Variants in COL21A1 observed in about 807,000 individuals in gnomAD.
The protein encoded by COL21A1 is collagen type XXI alpha 1 chain.
COL21A1 carries 149 observed loss-of-function variants against 137.9 expected under a neutral mutation model. That is an observed-to-expected ratio of 1.08 (90% CI 0.95 to 1.24). The LOEUF (loss-of-function observed/expected upper bound fraction) is 1.24, where lower values mean the gene tolerates loss of function less well. Ranked by LOEUF, COL21A1 falls within the 50% of genes most tolerant of loss-of-function variation. The pLI is 0.00. For missense variants in COL21A1, 1,167 were observed against 1,158.4 expected, an observed-to-expected ratio of 1.01 and a Z score of -0.11; for synonymous variants, 456 against 391.5, an observed-to-expected ratio of 1.16 and a Z score of -1.95.
At chr6:56,331,218 T>C (rs1199168323) in intron 1 of COL21A1, among the ~76,000 whole-genome samples, 1 of 151,994 alleles carries the variant, frequency 6.6e-6, no homozygotes, top group South Asian at 2.1e-4. Context: ...GGATGCATAG[T>C]TTGTCAATAT....
At chr6:56,260,235 C>T (rs1763218661) in intron 1 of COL21A1, among the ~76,000 whole-genome samples, 1 of 152,058 alleles carries the variant, frequency 6.6e-6, no homozygotes, top group African/African-American at 2.4e-5. Context: ...ACAAGAAAGG[C>T]TTGGATAAAA....
chr6:56,267,886 C>T (rs1014299828), intron 1 of COL21A1, among the ~76,000 whole-genome samples: 1 of 151,898 alleles, frequency 6.6e-6, no homozygotes. Context: ...CTGAAAGAGA[C>T]CAAAATATAC....
chr6:56,370,395 A>G (rs1173847617), intron 1 of COL21A1, among the ~76,000 whole-genome samples: 1 of 152,232 alleles, frequency 6.6e-6, no homozygotes, highest in Non-Finnish European at 1.5e-5. Context: ...CAAATATATG[A>G]AAAGCTAAGC....
intron 1 of COL21A1, among the ~76,000 whole-genome samples, chr6:56,265,684 C>T (rs1763376039): frequency 6.6e-6 from 1 of 152,206 alleles, no homozygotes; most frequent in South Asian, 2.1e-4. Context: ...ATAGACCTGC[C>T]TCCACCTACA....
chr6:56,352,388 G>C (rs1765727875), intron 1 of COL21A1, among the ~76,000 whole-genome samples: 1 of 152,016 alleles, frequency 6.6e-6, no homozygotes, highest in Non-Finnish European at 1.5e-5. Flanking sequence ...AGAACACCCA[G>C]AAAGACTCAT....
intron 16 of COL21A1, among the ~76,000 whole-genome samples, chr6:56,120,724 G>A (rs1772386202): frequency 6.6e-6 from 1 of 151,726 alleles, no homozygotes; most frequent in Non-Finnish European, 1.5e-5. Context: ...AACCCAGGAG[G>A]CAGAGGTTGC....
chr6:56,271,763 G>T (rs947765858), intron 1 of COL21A1, among the ~76,000 whole-genome samples: 4 of 152,218 alleles, frequency 2.6e-5, no homozygotes, highest in Non-Finnish European at 4.4e-5. Flanking sequence ...AGGACTTGGT[G>T]TCCTGTGTCC....
intron 1 of COL21A1, among the ~76,000 whole-genome samples, chr6:56,332,886 G>A (rs1168935941): frequency 6.6e-6 from 1 of 151,862 alleles, no homozygotes; most frequent in African/African-American, 2.4e-5. Flanking sequence ...CAACTACTTT[G>A]TAAAAACTCT....
At chr6:56,233,278 C>T (rs1370228755) in intron 1 of COL21A1, among the ~76,000 whole-genome samples, 1 of 151,702 alleles carries the variant, frequency 6.6e-6, no homozygotes, top group Non-Finnish European at 1.5e-5. Flanking sequence ...AAATTGCAAA[C>T]ACGAAAATAG....
Position 56,097,920 on chromosome 6 carries a change from AATATATAAATATATAAAAAT to A in COL21A1, c.1812+3532_1812+3551del. Among the ~76,000 whole-genome samples the A allele has an allele frequency of 6.4e-5, 6 of 93,708 alleles. No individual in the cohort carries two copies. The East Asian group carries it at 1.5e-3, about 24-fold the overall frequency. The allele number at this position is 93,708 out of a possible 152,430, so 61.5% of individuals were successfully genotyped here. ...ATATATAAATATATAAATATATATA[AATATATAAATATATAAAAAT>A]ATATATAAATATAAAAATATATATA... On this transcript the variant is annotated intron_variant, in intron 17 of 29. Coordinates refer to ENST00000244728, the MANE Select transcript of COL21A1 (RefSeq NM_030820.4).
intron 1 of COL21A1, among the ~76,000 whole-genome samples, chr6:56,388,444 A>G (rs1348356329): frequency 1.3e-5 from 2 of 152,258 alleles, no homozygotes; most frequent in African/African-American, 4.8e-5. Flanking sequence ...GAAAAAAGCA[A>G]GAGACTTTTC....
At chr6:56,317,392 A>G (rs1044472175) in intron 1 of COL21A1, among the ~76,000 whole-genome samples, 20 of 152,010 alleles carry the variant, frequency 1.3e-4, no homozygotes, top group Non-Finnish European at 2.9e-5. Flanking sequence ...AATCCCCCAT[A>G]CTGTCACAAT....
Position 56,233,672 on chromosome 6 carries a change from T to C in COL21A1, c.-39+13715A>G, listed in dbSNP as rs193279382. ...AGGAGAGAAACGGTAAAGGAAAAAA[T>C]TTCAGAGCTAAATTAACATTTGATT... On this transcript the variant is annotated intron_variant, in intron 1 of 29. Coordinates refer to ENST00000244728, the MANE Select transcript of COL21A1 (RefSeq NM_030820.4). Among the ~76,000 whole-genome samples the C allele has an allele frequency of 4.6e-5, 7 of 151,384 alleles. No individual in the cohort carries two copies. In the East Asian group the frequency reaches 1.4e-3, roughly 29 times the overall value.
intron 16 of COL21A1, among the ~76,000 whole-genome samples, chr6:56,104,815 C>T (rs189286100): frequency 1.4e-3 from 208 of 152,164 alleles, no homozygotes; most frequent in Non-Finnish European, 2.5e-3. Flanking sequence ...ACTTGCATTC[C>T]ATGTGTATTT....
intron 12 of COL21A1, 98 bp from the exon 13 acceptor site, chr6:56,126,247 C>A: frequency 1.4e-6 from 1 of 727,664 alleles, no homozygotes; most frequent in East Asian, 2.9e-5. Context: ...AAATCCACTT[C>A]AAATCTATCT....
At chr6:56,285,565 C>T (rs918924727) in intron 1 of COL21A1, among the ~76,000 whole-genome samples, 2 of 152,170 alleles carry the variant, frequency 1.3e-5, no homozygotes, top group Non-Finnish European at 2.9e-5. Context: ...CATTTCTCTT[C>T]TCATTTCTTT....
intron 17 of COL21A1, among the ~76,000 whole-genome samples, chr6:56,097,952 TA>T (rs1769625724): frequency 1.0e-5 from 1 of 97,996 alleles, no homozygotes; most frequent in Non-Finnish European, 1.8e-5. Context: ...TATATAAATA[TA>T]AAAATATATA....
intron 17 of COL21A1, among the ~76,000 whole-genome samples, chr6:56,089,078 C>A (rs1057225282): frequency 1.3e-5 from 2 of 152,146 alleles, no homozygotes; most frequent in African/African-American, 4.8e-5. Flanking sequence ...CTTGAACCAC[C>A]ACACTCGGCT....
chr6:56,121,332 A>G (rs1458237107), intron 16 of COL21A1, among the ~76,000 whole-genome samples: 2 of 151,912 alleles, frequency 1.3e-5, no homozygotes, highest in Admixed American at 6.6e-5. Context: ...ATGCTGAAAA[A>G]GGAAAAACCC....
Sources: gnomAD v4.1 joint callset for allele counts (sites outside exome capture counted in the v4.1 genomes callset) on GRCh38, gnomAD v4.1.1 for gene constraint, MANE v1.5 for transcripts, NCBI Gene and HGNC (gene_info 2026-07-23, HGNC 2026-07-21) for gene names.